The following IGSF21 variants were observed in gnomAD, a reference collection of about 807,000 sequenced individuals.
The protein encoded by IGSF21 is immunoglobin superfamily member 21, also known as immunoglobulin superfamily member 21.
In IGSF21, 28 loss-of-function variants were observed where a neutral mutation model predicts 46.8. That is an observed-to-expected ratio of 0.60 (90% CI 0.44 to 0.82). The LOEUF (loss-of-function observed/expected upper bound fraction) is 0.82, where lower values mean the gene tolerates loss of function less well. Ranked by LOEUF, IGSF21 falls within the 40% of genes least tolerant of loss-of-function variation. The pLI, the probability that IGSF21 is intolerant of heterozygous loss-of-function variation, is 0.00. For missense variants in IGSF21, 624 were observed against 665.5 expected (o/e 0.94, Z 0.69); for synonymous variants, 284 against 273.6 (o/e 1.04, Z -0.38).
chr1:18,159,239 T>C (rs2086594779), intron 1 of IGSF21, among the ~76,000 whole-genome samples: 1 of 152,240 alleles, frequency 6.6e-6, no homozygotes, highest in Admixed American at 6.5e-5. Context: ...ACTTGTCTGC[T>C]GAAGATGCTC....
chr1:18,108,332 C>A, intron 1 of IGSF21, 134 bp downstream of exon 1: 1 of 976,054 alleles, frequency 1.0e-6, no homozygotes, highest in Non-Finnish European at 1.3e-6. Context: ...GTCTGTGGAG[C>A]TGGTTGGCTC....
In IGSF21 at chr1:18,334,649, G is replaced by C. The variant is rs1289210407; in HGVS notation, c.306-243G>C. Among the ~76,000 whole-genome samples the C allele has an allele frequency of 2.6e-5, 4 of 152,172 alleles. No homozygotes were observed. The highest frequency in any genetic ancestry group is 1.5e-5 in the Non-Finnish European group (1 of 68,046). On this transcript the variant is annotated intron_variant, in intron 3 of 9. Coordinates refer to ENST00000251296, the MANE Select transcript of IGSF21 (RefSeq NM_032880.5). The surrounding 1 kb of genome is among the most constrained non-coding windows in gnomAD (Gnocchi z 4.3). ...CCAACAGGCTAAATAACTGCTCCAG[G>C]ACCCACTGAGCACAAATTGGGCTCT...
chr1:18,244,245 G>C (rs1310308003), intron 2 of IGSF21, among the ~76,000 whole-genome samples: 1 of 152,248 alleles, frequency 6.6e-6, no homozygotes, highest in African/African-American at 2.4e-5. Flanking sequence ...CCGGTCGGGA[G>C]ATTTCTTAAG....
intron 4 of IGSF21, among the ~76,000 whole-genome samples, chr1:18,341,468 A>G (rs1471002256): frequency 1.3e-5 from 2 of 152,166 alleles, no homozygotes; most frequent in Non-Finnish European, 2.9e-5. Flanking sequence ...GTAGCACACC[A>G]AGATTCCCTG....
At chr1:18,304,122 A>G (rs2085388479) in intron 3 of IGSF21, among the ~76,000 whole-genome samples, 2 of 152,212 alleles carry the variant, frequency 1.3e-5, no homozygotes, top group South Asian at 2.1e-4. Flanking sequence ...GGGGGACACC[A>G]GAAAGTGAGA....
chr1:18,273,447 T>C (rs2085066330), intron 2 of IGSF21, among the ~76,000 whole-genome samples: 1 of 101,030 alleles, frequency 9.9e-6, no homozygotes, highest in South Asian at 2.9e-4. Context: ...TCTTTCTCAC[T>C]TTCTTTCTTT....
At chr1:18,193,000 C>G (rs866021861) in intron 1 of IGSF21, among the ~76,000 whole-genome samples, 18 of 151,890 alleles carry the variant, frequency 1.2e-4, no homozygotes, top group Non-Finnish European at 1.3e-4. Flanking sequence ...GGCCTTCACT[C>G]CAAATGGGCA....
At chr1:18,178,644 T>A (rs943553510) in intron 1 of IGSF21, among the ~76,000 whole-genome samples, 23 of 152,200 alleles carry the variant, frequency 1.5e-4, no homozygotes, top group Non-Finnish European at 2.6e-4. Flanking sequence ...AAAAATCTTG[T>A]CCCTCCCTCT....
At chr1:18,244,671 C>T (rs1183972429) in intron 2 of IGSF21, among the ~76,000 whole-genome samples, 4 of 152,190 alleles carry the variant, frequency 2.6e-5, no homozygotes, top group Non-Finnish European at 5.9e-5. Context: ...GCCACAGAGG[C>T]CCCTGCCCTG....
At chr1:18,229,658 G>A (rs1382359995) in intron 2 of IGSF21, among the ~76,000 whole-genome samples, 1 of 152,200 alleles carries the variant, frequency 6.6e-6, no homozygotes, top group African/African-American at 2.4e-5. Flanking sequence ...CAGCACCCTA[G>A]AGGGTCCCAG....
At chr1:18,250,098 G>GCTCCC (rs1553157705) in intron 2 of IGSF21, among the ~76,000 whole-genome samples, 1 of 59,842 alleles carries the variant, frequency 1.7e-5, no homozygotes, top group Non-Finnish European at 3.2e-5. Context: ...TCCCTCCCTC[G>GCTCCC]CTCCCTCCCT....
intron 1 of IGSF21, among the ~76,000 whole-genome samples, chr1:18,208,115 G>A (rs1531120): frequency 0.85 from 128,014 of 151,494 alleles, 54,301 homozygotes; most frequent in Non-Finnish European, 0.88. Flanking sequence ...AAGATTTATC[G>A]GAAAAAGTTT....
At chr1:18,307,189 A>G (rs761584) in intron 3 of IGSF21, among the ~76,000 whole-genome samples, 75,591 of 151,284 alleles carry the variant, frequency 0.5, 21,990 homozygotes, top group East Asian at 0.8. Context: ...GGGCATGTTG[A>G]GTATTTTGTG....
At chr1:18,242,642 C>T (rs930235431) in intron 2 of IGSF21, among the ~76,000 whole-genome samples, 4 of 152,120 alleles carry the variant, frequency 2.6e-5, no homozygotes, top group Non-Finnish European at 5.9e-5. Flanking sequence ...TGTTTATTTC[C>T]TTACGTGCTT....
chr1:18,166,596 G>C (rs923550293), intron 1 of IGSF21, among the ~76,000 whole-genome samples: 2 of 152,204 alleles, frequency 1.3e-5, no homozygotes, highest in Non-Finnish European at 2.9e-5. Context: ...CCAGGGTTCA[G>C]TATGCTGCAA....
rs961228780 is a variant in IGSF21 at position 18,337,406 on chromosome 1, G to A, written c.424+2396G>A. On this transcript the variant is annotated intron_variant, in intron 4 of 9. Transcript: ENST00000251296. The surrounding 1 kb of genome is among the most constrained non-coding windows in gnomAD (Gnocchi z 5.7). ...TATCATTGAAGAGCTCAGTTACTTG[G>A]ACACTGTTGTTTTTATTATCACTGT... Among the ~76,000 whole-genome samples, 13 of 152,136 alleles carry A rather than the reference G, an allele frequency of 8.5e-5. No individual in the cohort carries two copies. The highest frequency in any genetic ancestry group is 3.1e-4 in the African/African-American group (13 of 41,424).
intron 2 of IGSF21, among the ~76,000 whole-genome samples, chr1:18,289,747 A>G (rs893654266): frequency 1.3e-5 from 2 of 152,132 alleles, no homozygotes; most frequent in Admixed American, 6.5e-5. Context: ...GTACCTACCA[A>G]ACCGCACCTC....
Position 18,122,193 on chromosome 1 carries a change from C to CTTTTTTT in IGSF21, c.70+14013_70+14019dup, listed in dbSNP as rs766563472. Among the ~76,000 whole-genome samples, 128 of 78,516 alleles carry CTTTTTTT rather than the reference C, an allele frequency of 1.6e-3. 1 individual carries two copies. The highest frequency in any genetic ancestry group is 4.1e-3 in the East Asian group (9 of 2,206). The allele number at this position is 78,516 out of a possible 152,430, so 51.5% of individuals were successfully genotyped here. A position where few individuals can be genotyped will look rare whatever the true frequency, so the allele number is the denominator to read the frequency against. On this transcript the variant is annotated intron_variant, in intron 1 of 9. Transcript: ENST00000251296. ...TCTTTTCTTTTTTCTTTCTTTCTTT[C>CTTTTTTT]TTTTTTTTTTTTTTTTTTTTTTTTG...
At chr1:18,171,079 A>G (rs2086732084) in intron 1 of IGSF21, among the ~76,000 whole-genome samples, 1 of 150,940 alleles carries the variant, frequency 6.6e-6, no homozygotes, top group Admixed American at 6.6e-5. Context: ...GTGTGGAATG[A>G]GCTTGGAAGA....
Sources: gnomAD v4.1 joint callset for allele counts (sites outside exome capture counted in the v4.1 genomes callset) on GRCh38, gnomAD v4.1.1 for gene constraint, Gnocchi (gnomAD v3.1) non-coding constraint, MANE v1.5 for transcripts, NCBI Gene and HGNC (gene_info 2026-07-23, HGNC 2026-07-21) for gene names.